Variants in DST observed in about 807,000 individuals in gnomAD.
DST encodes the protein bullous pemphigoid antigen.
In DST, 253 loss-of-function variants were observed where a neutral mutation model predicts 875.2. The observed-to-expected ratio is 0.29, with a 90% CI of 0.26 to 0.32. The LOEUF is 0.32. DST is among the 10% of genes least tolerant of loss of function. The pLI, the probability that DST is intolerant of heterozygous loss-of-function variation, is 1.00. For missense variants in DST, 8,287 were observed against 9,111.6 expected, an observed-to-expected ratio of 0.91 and a Z score of 3.68; for synonymous variants, 3,124 against 3,197.1, an observed-to-expected ratio of 0.98 and a Z score of 0.77.
intron 45 of DST, 28 bp from the exon 46 acceptor site, chr6:56,598,737 T>C: frequency 7.3e-7 from 1 of 1,363,390 alleles, no homozygotes; most frequent in Non-Finnish European, 1.0e-6. Flanking sequence ...AAAAATATAT[T>C]TTATTAAATT....
At chr6:56,642,933 G>A in intron 15 of DST, 4 of 1,500,206 alleles carry the variant, frequency 2.7e-6, no homozygotes, top group Non-Finnish European at 3.5e-6. Flanking sequence ...GCTTCAACAT[G>A]CATATGCAAC....
chr6:56,565,472 C>G (rs748093741), intron 55 of DST, among the ~76,000 whole-genome samples: 1 of 152,156 alleles, frequency 6.6e-6, no homozygotes, highest in African/African-American at 2.4e-5. Context: ...ATGATACCAG[C>G]TCCTCTTTGT....
At chr6:56,939,734 T>C (rs949435002) in intron 2 of DST, among the ~76,000 whole-genome samples, 2 of 152,022 alleles carry the variant, frequency 1.3e-5, no homozygotes, top group African/African-American at 4.8e-5. Flanking sequence ...AAAAATTATA[T>C]AAATAAGCAG....
intron 5 of DST, among the ~76,000 whole-genome samples, chr6:56,716,505 T>C (rs1048353443): frequency 1.9e-4 from 29 of 152,212 alleles, no homozygotes; most frequent in African/African-American, 7.0e-4. Flanking sequence ...ACCAAAAGCA[T>C]ACATTATTTT....
intron 2 of DST, among the ~76,000 whole-genome samples, chr6:56,942,014 T>A (rs1321957886): frequency 6.6e-6 from 1 of 152,210 alleles, no homozygotes; most frequent in South Asian, 2.1e-4. Flanking sequence ...ATTAGTTAGA[T>A]ACACATTTAT....
At chr6:56,593,597 C>T in intron 48 of DST, 66 bp downstream of exon 48, 2 of 1,354,014 alleles carry the variant, frequency 1.5e-6, no homozygotes, top group Non-Finnish European at 1.9e-6. Flanking sequence ...CCTCTTGTTC[C>T]AAAACTATAA....
chr6:56,825,342 C>G (rs866594770), intron 4 of DST, among the ~76,000 whole-genome samples: 1 of 148,338 alleles, frequency 6.7e-6, no homozygotes, highest in Non-Finnish European at 1.5e-5. Context: ...ATCTCAAGTA[C>G]CCAGGGACAC....
At chr6:56,603,529 C>G in intron 41 of DST, 35 bp downstream of exon 41, 1 of 1,594,922 alleles carries the variant, frequency 6.3e-7, no homozygotes, top group Non-Finnish European at 8.5e-7. Context: ...CATCAGCTGA[C>G]TACCATCCAT....
intron 49 of DST, among the ~76,000 whole-genome samples, chr6:56,584,534 T>A (rs571704471): frequency 6.6e-6 from 1 of 150,722 alleles, no homozygotes; most frequent in East Asian, 1.9e-4. Flanking sequence ...TCATGTTGCC[T>A]GCAAACAGGG....
At chr6:56,721,072 C>T (rs1419837046) in intron 5 of DST, among the ~76,000 whole-genome samples, 2 of 151,202 alleles carry the variant, frequency 1.3e-5, no homozygotes, top group African/African-American at 4.9e-5. Context: ...GCGCCCCCCC[C>T]ACCTCCCAGA....
intron 10 of DST, among the ~76,000 whole-genome samples, chr6:56,667,025 C>A (rs979506736): frequency 2.6e-5 from 4 of 151,950 alleles, no homozygotes; most frequent in African/African-American, 9.7e-5. Flanking sequence ...AAAGAAAATT[C>A]TAAATTCTAA....
intron 5 of DST, among the ~76,000 whole-genome samples, chr6:56,719,666 G>T (rs369555084): frequency 6.6e-6 from 1 of 152,190 alleles, no homozygotes; most frequent in Non-Finnish European, 1.5e-5. Context: ...GACATTTCAC[G>T]TAGGTTCTTT....
At chr6:56,832,964 A>G (rs1348601782) in intron 4 of DST, among the ~76,000 whole-genome samples, 1 of 152,112 alleles carries the variant, frequency 6.6e-6, no homozygotes, top group African/African-American at 2.4e-5. Flanking sequence ...GTCTCGAACT[A>G]CTGACCTCAG....
intron 4 of DST, among the ~76,000 whole-genome samples, chr6:56,812,349 G>C (rs988698511): frequency 6.6e-6 from 1 of 152,010 alleles, no homozygotes; most frequent in African/African-American, 2.4e-5. Context: ...AGAAGTGAAA[G>C]AAATGTCTTA....
intron 33 of DST, among the ~76,000 whole-genome samples, chr6:56,627,514 G>A (rs147421682): frequency 6.6e-6 from 1 of 152,122 alleles, no homozygotes; most frequent in East Asian, 1.9e-4. Flanking sequence ...AAACTCCTTA[G>A]GAATTATCCA....
At chr6:56,547,547 A>T (rs1243975559) in intron 61 of DST, among the ~76,000 whole-genome samples, 1 of 152,208 alleles carries the variant, frequency 6.6e-6, no homozygotes, top group East Asian at 1.9e-4. Flanking sequence ...CCTCTTCTGC[A>T]ACAGTTTTAT....
At chr6:56,835,501 T>C (rs565811730) in intron 4 of DST, among the ~76,000 whole-genome samples, 1 of 152,306 alleles carries the variant, frequency 6.6e-6, no homozygotes, top group African/African-American at 2.4e-5. Context: ...GCTATAAACC[T>C]AAAACTGCTC....
intron 32 of DST, among the ~76,000 whole-genome samples, 169 bp downstream of exon 32, chr6:56,629,081 T>C (rs563795564): frequency 2.0e-5 from 3 of 152,300 alleles, no homozygotes; most frequent in South Asian, 4.1e-4. Flanking sequence ...TTAAGTTAAA[T>C]GTCTTACTAA....
chr6:56,613,354 A>G (rs1427160921), intron 37 of DST, among the ~76,000 whole-genome samples: 1 of 152,192 alleles, frequency 6.6e-6, no homozygotes, highest in Admixed American at 6.6e-5. Flanking sequence ...TCTGGTCTGT[A>G]AACTTCTCCA....
Sources: gnomAD v4.1 joint callset for allele counts (sites outside exome capture counted in the v4.1 genomes callset) on GRCh38, gnomAD v4.1.1 for gene constraint, MANE v1.5 for transcripts, NCBI Gene and HGNC (gene_info 2026-07-23, HGNC 2026-07-21) for gene names.